The following FUT9 variants were observed in gnomAD, a reference collection of about 807,000 sequenced individuals.
FUT9 encodes the protein fucosyltransferase 9.
FUT9 carries 15 observed loss-of-function variants against 29.7 expected under a neutral mutation model. The ratio of observed to expected loss-of-function variants is 0.51; its 90% confidence interval spans 0.34 to 0.78. The LOEUF (loss-of-function observed/expected upper bound fraction) is 0.78, where lower values mean the gene tolerates loss of function less well. Ranked by LOEUF, FUT9 falls within the 30% of genes least tolerant of loss-of-function variation. FUT9 has a pLI of 0.01. For synonymous variants in FUT9, 169 were observed against 153.7 expected (o/e 1.10, Z -0.74); for missense variants, 319 against 425.4 (o/e 0.75, Z 2.20).
intron 2 of FUT9, among the ~76,000 whole-genome samples, chr6:96,169,207 G>C (rs920739869): frequency 1.3e-5 from 2 of 152,154 alleles, no homozygotes; most frequent in Non-Finnish European, 2.9e-5. Context: ...ATTGCCTACA[G>C]AAATTCTGAT....
At chr6:96,191,632 A>C (rs1689350714) in intron 2 of FUT9, among the ~76,000 whole-genome samples, 1 of 152,218 alleles carries the variant, frequency 6.6e-6, no homozygotes, top group Non-Finnish European at 1.5e-5. Flanking sequence ...AAGGCTTCAC[A>C]GCCGAATTCT....
At chr6:96,074,943 A>T (rs1771120028) in intron 1 of FUT9, among the ~76,000 whole-genome samples, 1 of 146,668 alleles carries the variant, frequency 6.8e-6, no homozygotes, top group African/African-American at 2.5e-5. Flanking sequence ...TGGCCAGCGA[A>T]TTTTTTTTTT....
At chr6:96,079,048 G>A (rs1771191191) in intron 1 of FUT9, among the ~76,000 whole-genome samples, 1 of 152,074 alleles carries the variant, frequency 6.6e-6, no homozygotes, top group South Asian at 2.1e-4. Flanking sequence ...CTGCCTTCCT[G>A]TATTTGGCTC....
In FUT9 at chr6:96,138,388, C is replaced by T. The variant is rs549780485; in HGVS notation, c.-9+24261C>T. ...TCTTTGTTTTACTGTAAAAATAGATCAGGACGCTGACAAAGAAAAATTATG... is the reference window on the plus strand; with the variant it reads ...TCTTTGTTTTACTGTAAAAATAGATTAGGACGCTGACAAAGAAAAATTATG... On this transcript the variant is annotated intron_variant, in intron 2 of 2. Transcript: ENST00000302103. Among the ~76,000 whole-genome samples, 3 of 151,626 alleles carry T rather than the reference C, an allele frequency of 2.0e-5. No individual in the cohort carries two copies. In the South Asian group the frequency reaches 6.3e-4, roughly 32 times the overall value.
At chr6:96,156,498 A>G (rs775190668) in intron 2 of FUT9, among the ~76,000 whole-genome samples, 5 of 152,174 alleles carry the variant, frequency 3.3e-5, no homozygotes, top group Admixed American at 6.5e-5. Flanking sequence ...CCTTCGCAGT[A>G]CAAGGGCTTA....
At chr6:96,174,996 A>T (rs1773179067) in intron 2 of FUT9, among the ~76,000 whole-genome samples, 1 of 152,158 alleles carries the variant, frequency 6.6e-6, no homozygotes, top group Admixed American at 6.6e-5. Context: ...TCAGGATCTT[A>T]GACTAAACAT....
At chr6:96,121,299 A>C (rs1772022912) in intron 2 of FUT9, among the ~76,000 whole-genome samples, 1 of 152,194 alleles carries the variant, frequency 6.6e-6, no homozygotes, top group African/African-American at 2.4e-5. Flanking sequence ...TATGCTTCAA[A>C]TTACATGCTC....
intron 1 of FUT9, among the ~76,000 whole-genome samples, chr6:96,057,822 A>T (rs753437623): frequency 2.6e-5 from 4 of 152,208 alleles, no homozygotes; most frequent in Non-Finnish European, 5.9e-5. Context: ...GATATAACAT[A>T]AGACTAACTT....
chr6:96,156,206 T>C (rs1029143100), intron 2 of FUT9, among the ~76,000 whole-genome samples: 1 of 152,192 alleles, frequency 6.6e-6, no homozygotes, highest in African/African-American at 2.4e-5. Flanking sequence ...GCAAATACTT[T>C]GAGGATGACA....
chr6:96,203,393 A>T lies in FUT9; in HGVS notation c.238A>T (p.Thr80Ser). Residue 80 changes from threonine to serine, a missense_variant, in exon 3 of 3, where the codon ACA becomes TCA. Transcript: ENST00000302103. ...GCCATTTGGGCAGACCTTTGACCTT[A>T]CATCCTGCCAAGCAATGTTCAACAT... ...VWPFGQTFDL[T>S]SCQAMFNIQG... 1 of 1,611,084 alleles carries T rather than the reference A, an allele frequency of 6.2e-7. No individual in the cohort carries two copies. The highest frequency in any genetic ancestry group is 8.5e-7 in the Non-Finnish European group (1 of 1,178,096).
At chr6:96,096,971 G>A (rs1005857737) in intron 1 of FUT9, among the ~76,000 whole-genome samples, 1 of 151,992 alleles carries the variant, frequency 6.6e-6, no homozygotes, top group Non-Finnish European at 1.5e-5. Flanking sequence ...GCACATATTA[G>A]GCACTTAAGC....
rs912335085 is a variant in FUT9 at position 96,209,642 on chromosome 6, T to C, written c.*5407T>C. The C allele has an allele frequency of 6.0e-6, 1 of 166,892 alleles. No individual in the cohort carries two copies. The highest frequency in any genetic ancestry group is 2.4e-5 in the African/African-American group (1 of 41,440). The allele number at this position is 166,892 out of a possible 1,614,324, so 10.3% of individuals were successfully genotyped here. A position where few individuals can be genotyped will look rare whatever the true frequency, so the allele number is the denominator to read the frequency against. ...TAAAATAGCATAATTTTAAGTAAGC[T>C]AGATTGAGTTCATTTGAACATTTAG... is the stretch of plus-strand genomic sequence containing the variant. On this transcript the variant is annotated 3_prime_UTR_variant, in exon 3 of 3. Coordinates refer to ENST00000302103, the MANE Select transcript of FUT9 (RefSeq NM_006581.4).
At chr6:96,058,940 T>C (rs190221781) in intron 1 of FUT9, among the ~76,000 whole-genome samples, 22 of 152,202 alleles carry the variant, frequency 1.4e-4, no homozygotes, top group Non-Finnish European at 2.1e-4. Context: ...AATGATATGT[T>C]AAACAATCTG....
intron 1 of FUT9, among the ~76,000 whole-genome samples, chr6:96,066,922 A>G (rs1272992748): frequency 3.3e-5 from 5 of 152,000 alleles, no homozygotes. Context: ...CTGAATTTTT[A>G]AAAATGAACA....
chr6:96,035,772 TATA>T (rs1417210326), intron 1 of FUT9, among the ~76,000 whole-genome samples: 1 of 120,940 alleles, frequency 8.3e-6, no homozygotes, highest in Non-Finnish European at 1.6e-5. Context: ...ATAATTAAAA[TATA>T]ATATAATTTA....
rs150574769 is a variant in FUT9, at chr6:96,186,874, C to T, written c.-8-16274C>T. Among the ~76,000 whole-genome samples, 503 of 152,192 alleles carry T rather than the reference C, an allele frequency of 3.3e-3. 3 individuals carry two copies. The highest frequency in any genetic ancestry group is 4.2e-3 in the Non-Finnish European group (288 of 68,008). On this transcript the variant is annotated intron_variant, in intron 2 of 2. Coordinates refer to ENST00000302103, the MANE Select transcript of FUT9 (RefSeq NM_006581.4). ...TTAAAATGGGTTGAATGATGTCTACCCACATTAGGGAGGGCTATCTGCTTT... is the reference window on the plus strand; with the variant it reads ...TTAAAATGGGTTGAATGATGTCTACTCACATTAGGGAGGGCTATCTGCTTT...
chr6:96,058,093 C>T (rs1328774639), intron 1 of FUT9, among the ~76,000 whole-genome samples: 3 of 151,894 alleles, frequency 2.0e-5, no homozygotes, highest in Non-Finnish European at 4.4e-5. Flanking sequence ...CAATAGCAGA[C>T]GGGCGGTAAC....
rs1041012407 is a variant in FUT9, at chr6:96,148,806, A to C, written c.-9+34679A>C. On this transcript the variant is annotated intron_variant, in intron 2 of 2. Coordinates refer to ENST00000302103, the MANE Select transcript of FUT9 (RefSeq NM_006581.4). Reference sequence around the variant, plus strand: ...GTACATGCGCAGAAATCCCAGCAAAATGTTCTCTAACTAGTCTTATGTGAC... The same window carrying C: ...GTACATGCGCAGAAATCCCAGCAAACTGTTCTCTAACTAGTCTTATGTGAC... 2.0e-5 allele frequency among the ~76,000 whole-genome samples: 3 copies of C among 152,238 alleles called. No individual in the cohort carries two copies. The East Asian group carries it at 5.8e-4, about 29-fold the overall frequency.
intron 1 of FUT9, among the ~76,000 whole-genome samples, chr6:96,067,903 G>A (rs1770991017): frequency 6.6e-6 from 1 of 152,068 alleles, no homozygotes; most frequent in Non-Finnish European, 1.5e-5. Context: ...GGATTGTTGT[G>A]ATGATTAATG....
Sources: gnomAD v4.1 joint callset for allele counts (sites outside exome capture counted in the v4.1 genomes callset) on GRCh38, gnomAD v4.1.1 for gene constraint, MANE v1.5 for transcripts, NCBI Gene and HGNC (gene_info 2026-07-23, HGNC 2026-07-21) for gene names.